Variants in TNRC6B observed in about 807,000 individuals in gnomAD.
TNRC6B encodes trinucleotide repeat containing adaptor 6B, also known as trinucleotide repeat-containing gene 6B protein.
A neutral mutation model predicts 203.6 loss-of-function variants in TNRC6B; 52 were observed. The ratio of observed to expected loss-of-function variants is 0.26; its 90% CI spans 0.20 to 0.32. TNRC6B has a LOEUF of 0.32. Among genes scored for constraint, TNRC6B ranks in the 10% least tolerant of loss-of-function variants. TNRC6B has a pLI of 1.00. For missense variants in TNRC6B, 1,923 were observed against 2,286.2 expected (o/e 0.84, Z 3.24); for synonymous variants, 838 against 845.7 (o/e 0.99, Z 0.16).
At position 40,327,879 on chromosome 22, in the gene TNRC6B, T is replaced by C. The variant is rs1181234046; in HGVS notation, c.*4638T>C. 1 of 152,172 alleles carries C rather than the reference T, an allele frequency of 6.6e-6. No homozygotes were observed. Among genetic ancestry groups the C allele is most frequent in the Non-Finnish European group, 1.5e-5 (1 of 68,020 alleles). 9.4% of individuals were successfully genotyped at this position (152,172 alleles called of 1,614,324 possible). On this transcript the variant is annotated 3_prime_UTR_variant, in exon 23 of 23. Transcript: ENST00000454349. ...TTTTTTTAACTACTTTTTAAAACAC[T>C]TGATTACTAGTGGCTTAGAGGTGTG...
intron 4 of TNRC6B, among the ~76,000 whole-genome samples, chr22:40,264,201 G>T (rs2070434942): frequency 6.6e-6 from 1 of 152,204 alleles, no homozygotes; most frequent in Non-Finnish European, 1.5e-5. Context: ...TAGAAGATAA[G>T]ACTAGAAAAG....
At chr22:40,220,042 A>T (rs1429160601) in intron 1 of TNRC6B, among the ~76,000 whole-genome samples, 1 of 152,212 alleles carries the variant, frequency 6.6e-6, no homozygotes, top group African/African-American at 2.4e-5. Context: ...TTGTAAACTT[A>T]GATATTTTAT....
chr22:40,147,132 T>C (rs1233142580), intron 3 of TNRC6B, among the ~76,000 whole-genome samples: 1 of 152,188 alleles, frequency 6.6e-6, no homozygotes, highest in Non-Finnish European at 1.5e-5. Context: ...GGAAGGAAAC[T>C]CTGACACATG....
intron 1 of TNRC6B, among the ~76,000 whole-genome samples, chr22:40,077,076 A>G (rs1247301707): frequency 6.7e-6 from 1 of 148,822 alleles, no homozygotes; most frequent in African/African-American, 2.5e-5. Flanking sequence ...GAAAAGAGAG[A>G]AGAGGAGAGG....
intron 1 of TNRC6B, among the ~76,000 whole-genome samples, chr22:40,180,731 T>C (rs537731098): frequency 5.9e-5 from 9 of 152,192 alleles, no homozygotes; most frequent in Admixed American, 2.0e-4. Context: ...GTACTGTGAA[T>C]TGAAGCTTTA....
At chr22:40,201,631 C>T (rs2069413304) in intron 1 of TNRC6B, among the ~76,000 whole-genome samples, 1 of 151,750 alleles carries the variant, frequency 6.6e-6, no homozygotes, top group South Asian at 2.1e-4. Context: ...GACAGGGTCT[C>T]GCTGTGTTGC....
chr22:40,132,501 G>A (rs988468670), intron 3 of TNRC6B, among the ~76,000 whole-genome samples: 1 of 149,652 alleles, frequency 6.7e-6, no homozygotes, highest in Non-Finnish European at 1.5e-5. Flanking sequence ...AGGCGAGGGC[G>A]AGGGCGAGGG....
intron 4 of TNRC6B, among the ~76,000 whole-genome samples, chr22:40,170,401 T>TTA (rs1239484995): frequency 2.1e-5 from 1 of 47,908 alleles, no homozygotes; most frequent in Non-Finnish European, 3.1e-5. Context: ...TATATATATA[T>TTA]TATATATATA....
At chr22:40,071,578 A>G (rs1005142312) in intron 1 of TNRC6B, among the ~76,000 whole-genome samples, 1 of 152,318 alleles carries the variant, frequency 6.6e-6, no homozygotes, top group African/African-American at 2.4e-5. Flanking sequence ...CAGAAGTATA[A>G]AGGAAAAGCA....
intron 4 of TNRC6B, among the ~76,000 whole-genome samples, chr22:40,167,727 AAAAG>A (rs1305104765): frequency 6.7e-6 from 1 of 150,112 alleles, no homozygotes; most frequent in Non-Finnish European, 1.5e-5. Flanking sequence ...AAAAAAAAAA[AAAAG>A]CTGGCCATGG....
chr22:40,077,606 G>A (rs1218896143), intron 1 of TNRC6B, among the ~76,000 whole-genome samples: 1 of 152,018 alleles, frequency 6.6e-6, no homozygotes, highest in Non-Finnish European at 1.5e-5. Flanking sequence ...CTTTTACTCT[G>A]TTTGATGGGA....
chr22:40,176,242 G>A (rs1055206990), upstream of TNRC6B, among the ~76,000 whole-genome samples: 3 of 150,928 alleles, frequency 2.0e-5, no homozygotes, highest in African/African-American at 7.3e-5. Flanking sequence ...CTCCTGCTAA[G>A]CTCAGCCTCC....
At chr22:40,122,935 C>T (rs991762826) in intron 2 of TNRC6B, among the ~76,000 whole-genome samples, 48 of 152,210 alleles carry the variant, frequency 3.2e-4, no homozygotes, top group Non-Finnish European at 6.8e-4. Context: ...CGTAAGCATT[C>T]GGGTCTGTTG....
chr22:40,055,335 C>T (rs1423238264), intron 1 of TNRC6B, among the ~76,000 whole-genome samples: 1 of 152,148 alleles, frequency 6.6e-6, no homozygotes, highest in Admixed American at 6.5e-5. Context: ...AGGTGACACT[C>T]ACACTAAGTT....
chr22:40,239,498 G>C (rs774431420), intron 1 of TNRC6B, among the ~76,000 whole-genome samples: 1 of 152,196 alleles, frequency 6.6e-6, no homozygotes, highest in Non-Finnish European at 1.5e-5. Flanking sequence ...TACTGGGGAT[G>C]GTGCTGTTGA....
At chr22:40,223,264 C>T (rs1569027398) in intron 1 of TNRC6B, among the ~76,000 whole-genome samples, 1 of 152,092 alleles carries the variant, frequency 6.6e-6, no homozygotes, top group Non-Finnish European at 1.5e-5. Flanking sequence ...CCTCAGCCTG[C>T]TGAGTAGCTG....
At chr22:40,188,177 C>G (rs1042049480) in intron 1 of TNRC6B, among the ~76,000 whole-genome samples, 1 of 152,130 alleles carries the variant, frequency 6.6e-6, no homozygotes, top group Admixed American at 6.5e-5. Flanking sequence ...CCATTGCACT[C>G]CAGCCTGGGC....
At position 40,266,904 on chromosome 22, in the gene TNRC6B, G is replaced by C. The variant is rs973098386; in HGVS notation, c.2674G>C (p.Gly892Arg). Reference sequence around the variant, plus strand: ...TAGTCGGAAAATGGACATTGATGATGGCACTTCAGCATGGGGAGACCCTAA... The same window carrying C: ...TAGTCGGAAAATGGACATTGATGATCGCACTTCAGCATGGGGAGACCCTAA... The part of the protein sequence containing the change: ...SISRKMDIDD[G>R]TSAWGDPNSY... The change falls in exon 5 of 23, where the codon GGC becomes CGC. Residue 892 changes from glycine to arginine, a missense_variant. This residue lies in a region of TNRC6B where 599 missense variants were observed against 656.5 expected (regional missense o/e 0.91). Transcript: ENST00000454349. 6.2e-7 allele frequency: 1 copy of C among 1,613,874 alleles called. No individual in the cohort carries two copies. Among genetic ancestry groups the C allele is most frequent in the African/African-American group, 1.3e-5 (1 of 74,912 alleles).
At chr22:40,094,190 A>C (rs1294597597) in intron 1 of TNRC6B, among the ~76,000 whole-genome samples, 7 of 152,206 alleles carry the variant, frequency 4.6e-5, no homozygotes, top group Admixed American at 4.6e-4. Flanking sequence ...GTAAAGCACT[A>C]TGAGTCCTAC....
Sources: allele counts gnomAD v4.1 joint callset (sites outside exome capture counted in the v4.1 genomes callset), GRCh38; gene constraint gnomAD v4.1.1; regional missense constraint gnomAD v4.1.1; transcripts MANE v1.5; gene names NCBI Gene and HGNC (gene_info 2026-07-23, HGNC 2026-07-21).